Variants in EML6 observed in about 807,000 individuals in gnomAD.
EML6 encodes the protein EMAP like 6.
A neutral mutation model predicts 240.1 loss-of-function variants in EML6; 154 were observed. The observed-to-expected ratio is 0.64, with a 90% CI of 0.56 to 0.73. The LOEUF (loss-of-function observed/expected upper bound fraction) is 0.73, where lower values mean the gene tolerates loss of function less well. Among genes scored for constraint, EML6 ranks in the 30% least tolerant of loss-of-function variants. The pLI is 0.00. For synonymous variants in EML6, 1,148 were observed against 899.0 expected, an observed-to-expected ratio of 1.28 and a Z score of -4.95; for missense variants, 2,964 against 2,474.6, an observed-to-expected ratio of 1.20 and a Z score of -4.20.
At chr2:54,810,989 C>G (rs1320851854) in intron 2 of EML6, among the ~76,000 whole-genome samples, 1 of 152,186 alleles carries the variant, frequency 6.6e-6, no homozygotes, top group Non-Finnish European at 1.5e-5. Context: ...GTTGCCCGCA[C>G]AAAATCTTCT....
chr2:54,739,481 A>G (rs1016526594), intron 2 of EML6, among the ~76,000 whole-genome samples: 6 of 152,256 alleles, frequency 3.9e-5, no homozygotes, highest in Admixed American at 2.0e-4. Context: ...AAAAGGGTAC[A>G]TGGACCCCCA....
intron 2 of EML6, among the ~76,000 whole-genome samples, chr2:54,775,800 T>G (rs1668572202): frequency 6.6e-6 from 1 of 152,200 alleles, no homozygotes; most frequent in African/African-American, 2.4e-5. Context: ...GAATATATAG[T>G]CTACAACTAA....
In EML6 at chr2:54,814,449, C is replaced by T. The variant is rs1667993282; in HGVS notation, c.357+1058C>T. On this transcript the variant is annotated intron_variant, in intron 3 of 41. Transcript: ENST00000356458. ...GAAAGTAAAAACGGAGGGGTCATTC[C>T]TGGCTCCGGCTGCATTCATCTCCTC... Among the ~76,000 whole-genome samples the T allele has an allele frequency of 2.6e-5, 4 of 152,308 alleles. No individual in the cohort carries two copies. The South Asian group carries it at 8.3e-4, about 32-fold the overall frequency.
intron 2 of EML6, among the ~76,000 whole-genome samples, chr2:54,741,659 T>C (rs1683638517): frequency 6.6e-6 from 1 of 152,166 alleles, no homozygotes; most frequent in East Asian, 1.9e-4. Flanking sequence ...CTTCTTGTGC[T>C]AGAAAATATA....
At position 54,957,974 on chromosome 2, in the gene EML6, G is replaced by T. The variant is rs367576444; in HGVS notation, c.4671G>T (p.Thr1557=). The T allele has an allele frequency of 3.9e-6, 6 of 1,551,186 alleles. No homozygotes were observed. Among genetic ancestry groups the T allele is most frequent in the African/African-American group, 1.4e-5 (1 of 73,024 alleles). ...CCCTGGGAGCTGCCAAAATGCAGAC[G>T]ATGCTCTCCGTGGCCTTCGGTGCTG... is the stretch of plus-strand genomic sequence containing the variant. The part of the protein sequence containing the change: ...IGSLGAAKMQ[T]MLSVAFGANN... The change falls in exon 33 of 42, where the codon ACG becomes ACT. Residue 1557 remains threonine, a synonymous_variant. Coordinates refer to ENST00000356458, the MANE Select transcript of EML6 (RefSeq NM_001039753.4).
At chr2:54,843,964 T>TG (rs1553394554) in intron 7 of EML6, 83 bp from the exon 8 acceptor site, 20 of 658,626 alleles carry the variant, frequency 3.0e-5, no homozygotes, top group East Asian at 9.2e-5. Flanking sequence ...CTTTAGGGTT[T>TG]TGTGTGTGTG....
intron 16 of EML6, among the ~76,000 whole-genome samples, chr2:54,874,047 T>G (rs1412289084): frequency 1.3e-5 from 2 of 152,284 alleles, no homozygotes; most frequent in Non-Finnish European, 2.9e-5. Flanking sequence ...TTTAATCATT[T>G]GGTTATTTCC....
intron 26 of EML6, among the ~76,000 whole-genome samples, chr2:54,919,208 T>C (rs911825229): frequency 2.0e-5 from 3 of 151,862 alleles, no homozygotes; most frequent in African/African-American, 2.4e-5. Flanking sequence ...AGCCACCTGA[T>C]TGAGAAGTGT....
At chr2:54,896,985 A>G (rs916058950) in intron 21 of EML6, among the ~76,000 whole-genome samples, 8 of 152,178 alleles carry the variant, frequency 5.3e-5, no homozygotes, top group Non-Finnish European at 8.8e-5. Context: ...CCTTGAGGCA[A>G]TGAGGTCTTT....
At chr2:54,795,926 T>C (rs1313353523) in intron 2 of EML6, among the ~76,000 whole-genome samples, 2 of 152,164 alleles carry the variant, frequency 1.3e-5, no homozygotes, top group African/African-American at 4.8e-5. Context: ...GATTTCTCTT[T>C]CATGGACATA....
chr2:54,899,349 G>A (rs956109453), intron 21 of EML6, among the ~76,000 whole-genome samples: 8 of 152,166 alleles, frequency 5.3e-5, no homozygotes, highest in Admixed American at 6.5e-5. Flanking sequence ...TTACCTGGAT[G>A]TTTCTAAATG....
intron 2 of EML6, among the ~76,000 whole-genome samples, chr2:54,788,554 A>G (rs1205829239): frequency 1.3e-5 from 2 of 152,142 alleles, no homozygotes; most frequent in African/African-American, 4.8e-5. Context: ...ATCGATAGCT[A>G]CTCTCCAGAG....
intron 24 of EML6, among the ~76,000 whole-genome samples, chr2:54,906,487 C>T (rs769176184): frequency 1.3e-5 from 2 of 152,174 alleles, no homozygotes; most frequent in Non-Finnish European, 2.9e-5. Context: ...TAATCTTGCC[C>T]AAGGCCAGCC....
intron 2 of EML6, among the ~76,000 whole-genome samples, chr2:54,766,960 G>C (rs1410695776): frequency 2.0e-5 from 3 of 152,172 alleles, no homozygotes; most frequent in African/African-American, 4.8e-5. Context: ...TGGATCATCT[G>C]CTATCCTTTG....
intron 2 of EML6, among the ~76,000 whole-genome samples, chr2:54,806,090 C>T (rs973571776): frequency 6.6e-6 from 1 of 151,874 alleles, no homozygotes; most frequent in Non-Finnish European, 1.5e-5. Context: ...AACATTTTTT[C>T]TGACATATAC....
At chr2:54,799,889 T>G (rs947358219) in intron 2 of EML6, among the ~76,000 whole-genome samples, 3 of 152,178 alleles carry the variant, frequency 2.0e-5, no homozygotes, top group Admixed American at 2.0e-4. Flanking sequence ...TTGCTAGAAA[T>G]TATTTAAAAG....
At chr2:54,862,974 G>A (rs1038505746) in intron 12 of EML6, among the ~76,000 whole-genome samples, 10 of 152,212 alleles carry the variant, frequency 6.6e-5, no homozygotes, top group African/African-American at 2.4e-4. Context: ...AAATGTAAGT[G>A]GCCTTCAGAA....
chr2:54,767,048 GA>G (rs1210479897), intron 2 of EML6, among the ~76,000 whole-genome samples: 1 of 151,872 alleles, frequency 6.6e-6, no homozygotes, highest in Non-Finnish European at 1.5e-5. Flanking sequence ...ATAATTTTAG[GA>G]AAAAAATAAT....
chr2:54,730,660 G>C (rs1230973632), intron 2 of EML6, among the ~76,000 whole-genome samples: 2 of 152,208 alleles, frequency 1.3e-5, no homozygotes, highest in Non-Finnish European at 1.5e-5. Flanking sequence ...GCATTGGAAA[G>C]AGCGCAAAGT....
Sources: gnomAD v4.1 joint callset for allele counts (sites outside exome capture counted in the v4.1 genomes callset) on GRCh38, gnomAD v4.1.1 for gene constraint, MANE v1.5 for transcripts, NCBI Gene and HGNC (gene_info 2026-07-23, HGNC 2026-07-21) for gene names.